The following PDZRN4 variants were observed in gnomAD, a reference collection of about 807,000 sequenced individuals.
The protein encoded by PDZRN4 is PDZ domain containing ring finger 4.
In PDZRN4, 70 loss-of-function variants were observed where a neutral mutation model predicts 99.0. The observed-to-expected ratio is 0.71, with a 90% CI of 0.58 to 0.86. The LOEUF is 0.86. PDZRN4 is among the 40% of genes least tolerant of loss of function. The pLI, the probability that PDZRN4 is intolerant of heterozygous loss-of-function variation, is 0.00. For synonymous variants in PDZRN4, 551 were observed against 501.6 expected (o/e 1.10, Z -1.32); for missense variants, 1,474 against 1,331.2 (o/e 1.11, Z -1.67).
chr12:41,532,112 A>G (rs922070841), intron 5 of PDZRN4, among the ~76,000 whole-genome samples: 3 of 152,072 alleles, frequency 2.0e-5, no homozygotes, highest in Non-Finnish European at 4.4e-5. Flanking sequence ...CTGTGGTTAG[A>G]ATTTGGGGCC....
intron 3 of PDZRN4, among the ~76,000 whole-genome samples, chr12:41,247,534 C>T (rs1032340481): frequency 1.3e-5 from 2 of 152,110 alleles, no homozygotes; most frequent in African/African-American, 4.8e-5. Flanking sequence ...AATATTCTTC[C>T]TCTGTGGTAG....
intron 3 of PDZRN4, among the ~76,000 whole-genome samples, chr12:41,248,298 G>A (rs1276194780): frequency 6.6e-6 from 1 of 152,044 alleles, no homozygotes; most frequent in Non-Finnish European, 1.5e-5. Flanking sequence ...GGGTTATCAA[G>A]GCTTTCTATA....
At chr12:41,531,398 T>C (rs938319739) in intron 5 of PDZRN4, among the ~76,000 whole-genome samples, 1 of 152,142 alleles carries the variant, frequency 6.6e-6, no homozygotes, top group Non-Finnish European at 1.5e-5. Context: ...GTCCAGCTGC[T>C]TGTGTGTTCC....
intron 3 of PDZRN4, among the ~76,000 whole-genome samples, chr12:41,444,937 T>A (rs1952711563): frequency 6.6e-6 from 1 of 152,022 alleles, no homozygotes; most frequent in Non-Finnish European, 1.5e-5. Flanking sequence ...AGACCTTTTA[T>A]AAAAATAAAT....
chr12:41,376,749 A>T (rs993277072), intron 3 of PDZRN4, among the ~76,000 whole-genome samples: 1 of 151,884 alleles, frequency 6.6e-6, no homozygotes, highest in African/African-American at 2.4e-5. Context: ...CCACTTACTT[A>T]CTTTTGCTTT....
intron 3 of PDZRN4, among the ~76,000 whole-genome samples, chr12:41,427,057 G>A (rs1952542788): frequency 6.6e-6 from 1 of 152,150 alleles, no homozygotes; most frequent in Non-Finnish European, 1.5e-5. Context: ...GCAAACATTT[G>A]CAGAACTTGG....
chr12:41,283,804 C>T (rs1389078478), intron 3 of PDZRN4, among the ~76,000 whole-genome samples: 2 of 152,160 alleles, frequency 1.3e-5, no homozygotes, highest in Non-Finnish European at 2.9e-5. Flanking sequence ...CAATAAGATT[C>T]AACATGGCTT....
At chr12:41,347,780 T>C (rs998311381) in intron 3 of PDZRN4, among the ~76,000 whole-genome samples, 2 of 152,190 alleles carry the variant, frequency 1.3e-5, no homozygotes, top group Admixed American at 6.5e-5. Flanking sequence ...GCTTCAGCTT[T>C]TAAATTCAAA....
At chr12:41,323,389 T>C (rs1331392735) in intron 3 of PDZRN4, among the ~76,000 whole-genome samples, 1 of 152,156 alleles carries the variant, frequency 6.6e-6, no homozygotes, top group East Asian at 1.9e-4. Context: ...ATAAGATCTT[T>C]AGTTGAATTT....
At chr12:41,461,602 A>G (rs1266908057) in intron 3 of PDZRN4, among the ~76,000 whole-genome samples, 1 of 152,138 alleles carries the variant, frequency 6.6e-6, no homozygotes, top group Non-Finnish European at 1.5e-5. Flanking sequence ...TGATATTCAT[A>G]TATATTAACC....
chr12:41,352,110 C>T (rs944065995), intron 3 of PDZRN4, among the ~76,000 whole-genome samples: 2 of 151,864 alleles, frequency 1.3e-5, no homozygotes, highest in Non-Finnish European at 2.9e-5. Flanking sequence ...TGGATTACAC[C>T]GTGTGGTCAT....
chr12:41,481,677 T>C (rs949279348), intron 3 of PDZRN4, among the ~76,000 whole-genome samples: 3 of 152,160 alleles, frequency 2.0e-5, no homozygotes, highest in Non-Finnish European at 4.4e-5. Flanking sequence ...CTCAGTAATC[T>C]TGAGAGTTTT....
chr12:41,310,632 T>G (rs1261190345), intron 3 of PDZRN4, among the ~76,000 whole-genome samples: 6 of 152,188 alleles, frequency 3.9e-5, no homozygotes, highest in Non-Finnish European at 5.9e-5. Context: ...TCAGTGTCAA[T>G]TGTTGCTCTT....
At chr12:41,214,430 T>TAAAAAAAAAAAAAA (rs536246838) in intron 3 of PDZRN4, among the ~76,000 whole-genome samples, 400 of 33,962 alleles carry the variant, frequency 0.012, 47 homozygotes, top group African/African-American at 0.023. Flanking sequence ...CCCTGTCCCC[T>TAAAAAAAAAAAAAA]AAAAAAAAAA....
intron 3 of PDZRN4, among the ~76,000 whole-genome samples, chr12:41,351,641 C>T (rs1275829318): frequency 6.6e-6 from 1 of 151,888 alleles, no homozygotes; most frequent in Non-Finnish European, 1.5e-5. Flanking sequence ...AGAACTCTGT[C>T]ACAAGATCAG....
intron 3 of PDZRN4, among the ~76,000 whole-genome samples, chr12:41,253,171 G>T (rs779140782): frequency 5.3e-5 from 8 of 152,104 alleles, no homozygotes; most frequent in African/African-American, 1.2e-4. Flanking sequence ...TTTTTAACTT[G>T]ATGTCATCCC....
intron 3 of PDZRN4, among the ~76,000 whole-genome samples, chr12:41,207,517 T>C (rs976869951): frequency 1.3e-5 from 2 of 151,818 alleles, no homozygotes; most frequent in African/African-American, 2.4e-5. Flanking sequence ...GCCAAATAAA[T>C]TGTCTTACTG....
intron 3 of PDZRN4, among the ~76,000 whole-genome samples, chr12:41,333,917 G>T (rs143096382): frequency 3.3e-5 from 5 of 152,054 alleles, no homozygotes; most frequent in African/African-American, 9.7e-5. Context: ...TTTTGTGTGC[G>T]CAAACATACT....
chr12:41,383,855 G>A (rs1314952778), intron 3 of PDZRN4, among the ~76,000 whole-genome samples: 1 of 149,726 alleles, frequency 6.7e-6, no homozygotes. Context: ...ATGGAATAGA[G>A]TAGTCAATTT....
Sources: gnomAD v4.1 joint callset for allele counts (sites outside exome capture counted in the v4.1 genomes callset) on GRCh38, gnomAD v4.1.1 for gene constraint, MANE v1.5 for transcripts, NCBI Gene and HGNC (gene_info 2026-07-23, HGNC 2026-07-21) for gene names.